The following GABRB1 variants were observed in gnomAD, a reference collection of about 807,000 sequenced individuals.
GABRB1 encodes gamma-aminobutyric acid receptor subunit beta-1.
GABRB1 carries 17 observed loss-of-function variants against 51.6 expected under a neutral mutation model. The observed-to-expected ratio is 0.33, with a 90% confidence interval of 0.23 to 0.49. GABRB1 has a LOEUF of 0.49. Among genes scored for constraint, GABRB1 ranks in the 20% least tolerant of loss-of-function variants. GABRB1 has a pLI of 0.99. For synonymous variants in GABRB1, 247 were observed against 218.9 expected (o/e 1.13, Z -1.14); for missense variants, 410 against 600.6 (o/e 0.68, Z 3.32).
chr4:47,248,550 CT>C (rs1209958472), intron 4 of GABRB1, among the ~76,000 whole-genome samples: 1 of 152,024 alleles, frequency 6.6e-6, no homozygotes, highest in Non-Finnish European at 1.5e-5. Context: ...CTTTCTTTCT[CT>C]ATCTTGTGGA....
upstream of GABRB1, among the ~76,000 whole-genome samples, chr4:47,031,163 CG>C (rs1725275518): frequency 6.6e-6 from 1 of 152,062 alleles, no homozygotes; most frequent in Admixed American, 6.5e-5. Flanking sequence ...CCACAACCCC[CG>C]CTGATCACAT....
intron 4 of GABRB1, among the ~76,000 whole-genome samples, chr4:47,262,745 A>G (rs1230637629): frequency 2.0e-5 from 3 of 152,112 alleles, no homozygotes; most frequent in Non-Finnish European, 4.4e-5. Context: ...ACATGCACAC[A>G]TATGTTTATT....
intron 3 of GABRB1, among the ~76,000 whole-genome samples, chr4:47,108,650 GT>G (rs1715085660): frequency 1.3e-5 from 2 of 152,126 alleles, no homozygotes; most frequent in South Asian, 4.1e-4. Context: ...ATAATTACAT[GT>G]TATAATAATT....
rs371181412 is a variant in GABRB1, at chr4:47,350,591, A to G, written c.544+30382A>G. 9.9e-5 allele frequency among the ~76,000 whole-genome samples: 15 copies of G among 152,174 alleles called. 1 individual carries two copies. In the South Asian group the frequency reaches 2.9e-3, roughly 29 times the overall value. The stretch of plus-strand genomic sequence containing the variant: ...AACACTCAATGAATATTAATGCCTT[A>G]CTTACATAATTATATAATATTATAT... On this transcript the variant is annotated intron_variant, in intron 5 of 8. Transcript: ENST00000295454.
chr4:47,304,431 C>A (rs903723958), intron 4 of GABRB1, among the ~76,000 whole-genome samples: 23 of 151,918 alleles, frequency 1.5e-4, no homozygotes, highest in African/African-American at 5.3e-4. Flanking sequence ...TGTATGTCTG[C>A]TTTTGAGAAG....
intron 3 of GABRB1, among the ~76,000 whole-genome samples, chr4:47,096,219 G>A (rs1714424250): frequency 6.6e-6 from 1 of 152,102 alleles, no homozygotes; most frequent in Non-Finnish European, 1.5e-5. Flanking sequence ...ATTGCTTTTA[G>A]GTCCTAGAAG....
At chr4:47,188,215 C>A (rs1263649316) in intron 4 of GABRB1, among the ~76,000 whole-genome samples, 1 of 151,968 alleles carries the variant, frequency 6.6e-6, no homozygotes, top group East Asian at 1.9e-4. Context: ...AAATATAAAA[C>A]TGAGTACCTT....
intron 4 of GABRB1, among the ~76,000 whole-genome samples, chr4:47,274,849 G>T (rs746459815): frequency 6.6e-6 from 1 of 152,170 alleles, no homozygotes; most frequent in East Asian, 1.9e-4. Flanking sequence ...TGTACTTGCT[G>T]TGTGGAGCTT....
chr4:47,404,802 A>G lies in GABRB1; in HGVS notation c.835+1091A>G, dbSNP rs1320968744. On this transcript the variant is annotated intron_variant, in intron 7 of 8. Transcript: ENST00000295454. ...TGAACATGAGTATTGTTAGGTCTAT[A>G]TGCTACACTTAAGAAAAAAACAGTG... Among the ~76,000 whole-genome samples the G allele has an allele frequency of 2.6e-5, 4 of 152,206 alleles. No individual in the cohort carries two copies. In the East Asian group the frequency reaches 5.8e-4, roughly 22 times the overall value.
intron 4 of GABRB1, among the ~76,000 whole-genome samples, chr4:47,176,936 T>C (rs1248534266): frequency 6.6e-6 from 1 of 152,154 alleles, no homozygotes; most frequent in East Asian, 1.9e-4. Context: ...ACTGAGGCAG[T>C]AACAAGTAAC....
At chr4:47,076,270 A>G (rs1389563630) in intron 3 of GABRB1, among the ~76,000 whole-genome samples, 1 of 152,198 alleles carries the variant, frequency 6.6e-6, no homozygotes, top group Non-Finnish European at 1.5e-5. Flanking sequence ...TCTTGCTCTC[A>G]AAAAGCTCTT....
chr4:47,098,151 AACACACACACAC>A lies in GABRB1; in HGVS notation c.241-63070_241-63059del, dbSNP rs59294163. Among the ~76,000 whole-genome samples, 389 of 148,324 alleles carry A rather than the reference AACACACACACAC, an allele frequency of 2.6e-3. 4 individuals are homozygous for A. The highest frequency in any genetic ancestry group is 0.014 in the Middle Eastern group (4 of 292). ...TCCCTGGAAAGTAGTTTTTAGTACAAACACACACACACACACACACACACACACACACACACA... is the reference window on the plus strand; with the variant it reads ...TCCCTGGAAAGTAGTTTTTAGTACAAACACACACACACACACACACACACA... On this transcript the variant is annotated intron_variant, in intron 3 of 8. Coordinates refer to ENST00000295454, the MANE Select transcript of GABRB1 (RefSeq NM_000812.4).
intron 4 of GABRB1, among the ~76,000 whole-genome samples, chr4:47,227,118 C>T (rs116241746): frequency 0.01 from 1,570 of 152,250 alleles, 29 homozygotes; most frequent in South Asian, 0.045. Context: ...TGCCTTTTCC[C>T]TTCTCTGCTC....
intron 3 of GABRB1, among the ~76,000 whole-genome samples, chr4:47,121,997 C>CCTAG (rs1560544312): frequency 6.6e-5 from 10 of 151,442 alleles, no homozygotes; most frequent in Non-Finnish European, 1.5e-4. Flanking sequence ...AAAGGCATGT[C>CCTAG]TATTTCCTAG....
intron 4 of GABRB1, among the ~76,000 whole-genome samples, chr4:47,193,357 G>C (rs925326470): frequency 6.6e-6 from 1 of 152,170 alleles, no homozygotes; most frequent in Non-Finnish European, 1.5e-5. Context: ...CCCGAACTCA[G>C]GTGAATCCGC....
chr4:47,036,274 G>A (rs1222849071), intron 3 of GABRB1, among the ~76,000 whole-genome samples: 1 of 152,090 alleles, frequency 6.6e-6, no homozygotes, highest in Non-Finnish European at 1.5e-5. Context: ...TTTAATATTA[G>A]ACTCTGGAAG....
intron 4 of GABRB1, among the ~76,000 whole-genome samples, chr4:47,262,759 G>T (rs1223934168): frequency 6.6e-6 from 1 of 152,036 alleles, no homozygotes; most frequent in East Asian, 1.9e-4. Flanking sequence ...GTTTATTGCA[G>T]CACTATTCAC....
At chr4:47,181,915 T>A (rs905574227) in intron 4 of GABRB1, among the ~76,000 whole-genome samples, 2 of 152,006 alleles carry the variant, frequency 1.3e-5, no homozygotes, top group African/African-American at 2.4e-5. Context: ...GGGGAGTGGC[T>A]ATATTCATGT....
At chr4:47,039,604 T>C (rs972151048) in intron 3 of GABRB1, among the ~76,000 whole-genome samples, 1 of 152,120 alleles carries the variant, frequency 6.6e-6, no homozygotes, top group Non-Finnish European at 1.5e-5. Context: ...TAGGATCCTA[T>C]GGGAGCACCA....
Sources: allele counts gnomAD v4.1 joint callset (sites outside exome capture counted in the v4.1 genomes callset), GRCh38; gene constraint gnomAD v4.1.1; transcripts MANE v1.5; gene names NCBI Gene and HGNC (gene_info 2026-07-23, HGNC 2026-07-21).